Variants in ADAMTS3 observed in about 807,000 individuals in gnomAD.
The protein encoded by ADAMTS3 is ADAM metallopeptidase with thrombospondin type 1 motif 3, also known as A disintegrin and metalloproteinase with thrombospondin motifs 3.
ADAMTS3 carries 73 observed loss-of-function variants against 129.0 expected under a neutral mutation model. The ratio of observed to expected loss-of-function variants is 0.57; its 90% CI spans 0.47 to 0.69. ADAMTS3 has a LOEUF of 0.69. Among genes scored for constraint, ADAMTS3 ranks in the 30% least tolerant of loss-of-function variants. ADAMTS3 has a pLI of 0.00. For missense variants in ADAMTS3, 1,457 were observed against 1,514.5 expected (o/e 0.96, Z 0.63); for synonymous variants, 477 against 510.8 (o/e 0.93, Z 0.89).
chr4:72,399,899 G>GTA lies in ADAMTS3; in HGVS notation c.661+14914_661+14915dup, dbSNP rs746319854. ...ACACACACGGTGTGTATATACGTGT[G>GTA]TATATATGCACACACGGTGTGTATA... On this transcript the variant is annotated intron_variant, in intron 4 of 21. Coordinates refer to ENST00000286657, the MANE Select transcript of ADAMTS3 (RefSeq NM_014243.3). 6.7e-3 allele frequency among the ~76,000 whole-genome samples: 360 copies of GTA among 53,506 alleles called. 40 individuals are homozygous for GTA. Among genetic ancestry groups the GTA allele is most frequent in the East Asian group, 0.013 (18 of 1,370 alleles). 35.1% of individuals were successfully genotyped at this position (53,506 alleles called of 152,430 possible). A position where few individuals can be genotyped will look rare whatever the true frequency, so the allele number is the denominator to read the frequency against.
intron 4 of ADAMTS3, among the ~76,000 whole-genome samples, chr4:72,343,231 A>C (rs1041196421): frequency 6.6e-6 from 1 of 152,110 alleles, no homozygotes; most frequent in Non-Finnish European, 1.5e-5. Flanking sequence ...CTTACTGTAC[A>C]TGTGGCTGGC....
chr4:72,314,217 GATAAA>G (rs1192413152), intron 11 of ADAMTS3, among the ~76,000 whole-genome samples: 3 of 152,112 alleles, frequency 2.0e-5, no homozygotes, highest in African/African-American at 7.2e-5. Flanking sequence ...TTTTAAAAAT[GATAAA>G]ATAAACTATG....
chr4:72,399,458 G>T (rs867119294), intron 4 of ADAMTS3, among the ~76,000 whole-genome samples: 2 of 152,040 alleles, frequency 1.3e-5, no homozygotes, highest in African/African-American at 2.4e-5. Flanking sequence ...ATTTTTCTCA[G>T]CAAGGTTCTT....
At position 72,566,727 on chromosome 4, in the gene ADAMTS3, G is replaced by C. The variant is rs116468093; in HGVS notation, c.97+647C>G. 7.4e-3 allele frequency among the ~76,000 whole-genome samples: 1,128 copies of C among 152,292 alleles called. 19 individuals are homozygous for C. The highest frequency in any genetic ancestry group is 0.026 in the African/African-American group (1,089 of 41,550). ...CTAAACAGCTTCAAGAAAGACCATG[G>C]ACTTCTGAGTGACCTGTTGCAAGTC... On this transcript the variant is annotated intron_variant, in intron 2 of 21. Coordinates refer to ENST00000286657, the MANE Select transcript of ADAMTS3 (RefSeq NM_014243.3).
chr4:72,536,431 T>C (rs1213295550), intron 3 of ADAMTS3, among the ~76,000 whole-genome samples: 1 of 152,212 alleles, frequency 6.6e-6, no homozygotes, highest in Non-Finnish European at 1.5e-5. Context: ...TACTGCAGCG[T>C]ATTTTATTTT....
chr4:72,335,863 T>C (rs1352920255), intron 5 of ADAMTS3, among the ~76,000 whole-genome samples: 1 of 152,188 alleles, frequency 6.6e-6, no homozygotes, highest in Non-Finnish European at 1.5e-5. Flanking sequence ...CCTCCCAAGA[T>C]TGTTCGTGAT....
chr4:72,434,676 G>C (rs1253663842), intron 3 of ADAMTS3, among the ~76,000 whole-genome samples: 1 of 151,884 alleles, frequency 6.6e-6, no homozygotes, highest in African/African-American at 2.4e-5. Context: ...GGCAAAGGAA[G>C]GGGGTTTTGC....
intron 4 of ADAMTS3, among the ~76,000 whole-genome samples, chr4:72,394,809 A>G (rs1721684686): frequency 6.6e-6 from 1 of 152,224 alleles, no homozygotes; most frequent in African/African-American, 2.4e-5. Flanking sequence ...GAAATTAGAT[A>G]TATTATTCAA....
intron 5 of ADAMTS3, among the ~76,000 whole-genome samples, chr4:72,328,974 G>A (rs1719768247): frequency 6.6e-6 from 1 of 152,134 alleles, no homozygotes; most frequent in Non-Finnish European, 1.5e-5. Context: ...TCAGAAAACA[G>A]AGGTGTCTCC....
At chr4:72,427,760 A>G (rs1427637170) in intron 3 of ADAMTS3, among the ~76,000 whole-genome samples, 1 of 152,116 alleles carries the variant, frequency 6.6e-6, no homozygotes, top group Non-Finnish European at 1.5e-5. Flanking sequence ...GAGACAGGAC[A>G]TGAACTTCTG....
chr4:72,548,528 T>C lies in ADAMTS3; in HGVS notation c.454A>G (p.Ile152Val). ...LQTNCAYVGD[I>V]VDIPGTSVAI... ...ACAGAGGTTCCTGGAATGTCCACGATGTCACCAACATAAGCACAGTTAGTC... is the reference window on the plus strand; with the variant it reads ...ACAGAGGTTCCTGGAATGTCCACGACGTCACCAACATAAGCACAGTTAGTC... Residue 152 changes from isoleucine to valine, a missense_variant, in exon 3 of 22, where the codon ATC becomes GTC. Physicochemically the swap from Ile to Val is conservative, Grantham distance 29 (BLOSUM62 3). Coordinates refer to ENST00000286657, the MANE Select transcript of ADAMTS3 (RefSeq NM_014243.3). The C allele has an allele frequency of 6.2e-7, 1 of 1,613,930 alleles. No individual in the cohort carries two copies. Among genetic ancestry groups the C allele is most frequent in the Non-Finnish European group, 8.5e-7 (1 of 1,179,858 alleles).
intron 3 of ADAMTS3, among the ~76,000 whole-genome samples, chr4:72,480,741 A>G (rs1719411971): frequency 6.6e-6 from 1 of 150,988 alleles, no homozygotes; most frequent in South Asian, 2.1e-4. Context: ...AAGAGGAAAT[A>G]AAAGGCATGT....
At chr4:72,323,584 G>A (rs188876223) in intron 5 of ADAMTS3, among the ~76,000 whole-genome samples, 17 of 152,234 alleles carry the variant, frequency 1.1e-4, no homozygotes, top group South Asian at 4.2e-4. Context: ...AGCTGTGGTA[G>A]TGTATCTGAG....
At chr4:72,528,889 TCTC>T (rs1035491296) in intron 3 of ADAMTS3, among the ~76,000 whole-genome samples, 14 of 152,140 alleles carry the variant, frequency 9.2e-5, no homozygotes, top group South Asian at 2.1e-4. Context: ...AGGAAAGAGT[TCTC>T]CTCAGTAGAC....
At chr4:72,537,490 T>C (rs189791963) in intron 3 of ADAMTS3, among the ~76,000 whole-genome samples, 5 of 152,080 alleles carry the variant, frequency 3.3e-5, no homozygotes, top group East Asian at 1.9e-4. Flanking sequence ...CAAGAAAAAT[T>C]TGAAAGTCAT....
intron 21 of ADAMTS3, among the ~76,000 whole-genome samples, chr4:72,285,066 AC>A (rs1560457929): frequency 4.6e-5 from 7 of 152,232 alleles, no homozygotes; most frequent in Admixed American, 3.9e-4. Flanking sequence ...ATTGGGTAAT[AC>A]TATACTGCTA....
chr4:72,303,722 T>C (rs1003399933), intron 17 of ADAMTS3, among the ~76,000 whole-genome samples, 195 bp downstream of exon 17: 1 of 152,186 alleles, frequency 6.6e-6, no homozygotes, highest in Admixed American at 6.6e-5. Context: ...TTATTCAGTT[T>C]ATAATGTCTA....
chr4:72,483,538 T>C (rs1327147909), intron 3 of ADAMTS3, among the ~76,000 whole-genome samples: 1 of 152,192 alleles, frequency 6.6e-6, no homozygotes, highest in Non-Finnish European at 1.5e-5. Context: ...TCATTCTTCA[T>C]TTGTCCCCAA....
chr4:72,457,204 C>T (rs546283526), intron 3 of ADAMTS3, among the ~76,000 whole-genome samples: 16 of 151,704 alleles, frequency 1.1e-4, no homozygotes, highest in African/African-American at 1.9e-4. Flanking sequence ...TATCAGGTTC[C>T]GTTTGCTTAT....
Sources: gnomAD v4.1 joint callset for allele counts (sites outside exome capture counted in the v4.1 genomes callset) on GRCh38, gnomAD v4.1.1 for gene constraint, MANE v1.5 for transcripts, NCBI Gene and HGNC (gene_info 2026-07-23, HGNC 2026-07-21) for gene names.